Variants in SGCD observed in about 807,000 individuals in gnomAD.
SGCD encodes sarcoglycan delta.
A neutral mutation model predicts 36.6 loss-of-function variants in SGCD; 18 were observed. The observed-to-expected ratio is 0.49, with a 90% CI of 0.34 to 0.73. The LOEUF is 0.73. SGCD is among the 30% of genes least tolerant of loss of function. The pLI, the probability that SGCD is intolerant of heterozygous loss-of-function variation, is 0.01. For synonymous variants in SGCD, 133 were observed against 130.6 expected, an observed-to-expected ratio of 1.02 and a Z score of -0.12; for missense variants, 387 against 346.7, an observed-to-expected ratio of 1.12 and a Z score of -0.92.
rs1238341120 is a variant in SGCD, at chr5:156,762,074, T to C, written c.*2684T>C. 1 of 152,590 alleles carries C rather than the reference T, an allele frequency of 6.6e-6. No homozygotes were observed. The highest frequency in any genetic ancestry group is 1.9e-4 in the East Asian group (1 of 5,200). The allele number at this position is 152,590 out of a possible 1,614,324, so 9.5% of individuals were successfully genotyped here. A position where few individuals can be genotyped will look rare whatever the true frequency, so the allele number is the denominator to read the frequency against. On this transcript the variant is annotated 3_prime_UTR_variant, in exon 9 of 9. Transcript: ENST00000337851. ...CTCAAACTAGAATATTTGTCAGTGG[T>C]CAAGAGAAAAAATTTTACCTGAATT...
chr5:156,230,987 C>T (rs2127651283), intron 3 of SGCD, among the ~76,000 whole-genome samples: 1 of 151,866 alleles, frequency 6.6e-6, no homozygotes, highest in African/African-American at 2.4e-5. Flanking sequence ...GTTAAGGATA[C>T]ACAAAAAGCA....
intron 3 of SGCD, among the ~76,000 whole-genome samples, chr5:156,449,677 CAAAAA>C (rs397883573): frequency 2.4e-4 from 11 of 46,056 alleles, no homozygotes; most frequent in African/African-American, 7.8e-4. Context: ...ACTAAAAATA[CAAAAA>C]AAAAAAAAAA....
chr5:155,942,294 G>A (rs1371604303), intron 1 of SGCD, among the ~76,000 whole-genome samples: 5 of 111,350 alleles, frequency 4.5e-5, no homozygotes, highest in South Asian at 3.5e-4. Flanking sequence ...ATGTATGTAC[G>A]CATGTATGTA....
At chr5:155,813,824 T>C in the SGCD span, among the ~76,000 whole-genome samples, 2 of 152,204 alleles carry the variant, frequency 1.3e-5, no homozygotes, top group Non-Finnish European at 2.9e-5. Flanking sequence ...AAAGGATAGA[T>C]AGTAAAATGG....
At chr5:156,539,450 A>T (rs936517791) in intron 4 of SGCD, among the ~76,000 whole-genome samples, 1 of 151,150 alleles carries the variant, frequency 6.6e-6, no homozygotes, top group Non-Finnish European at 1.5e-5. Flanking sequence ...CCATTATATC[A>T]TTCTCATGCC....
At chr5:155,934,386 C>T (rs538883532) in intron 1 of SGCD, among the ~76,000 whole-genome samples, 4 of 152,230 alleles carry the variant, frequency 2.6e-5, no homozygotes, top group Admixed American at 6.5e-5. Flanking sequence ...TCTTTTTTTG[C>T]GTAGCACTGA....
At chr5:156,070,871 T>C (rs1760530201) in intron 1 of SGCD, among the ~76,000 whole-genome samples, 1 of 152,208 alleles carries the variant, frequency 6.6e-6, no homozygotes, top group African/African-American at 2.4e-5. Context: ...AGGGTGTATG[T>C]GATGAGGAAT....
intron 4 of SGCD, among the ~76,000 whole-genome samples, chr5:156,535,828 T>C (rs1437772269): frequency 6.6e-6 from 1 of 152,188 alleles, no homozygotes; most frequent in African/African-American, 2.4e-5. Flanking sequence ...GCCATCACAG[T>C]ATAATTTGGG....
chr5:156,597,970 T>A (rs1761001015), intron 6 of SGCD, among the ~76,000 whole-genome samples: 1 of 152,100 alleles, frequency 6.6e-6, no homozygotes, highest in African/African-American at 2.4e-5. Context: ...CATAGAGGGC[T>A]TTACCTTAAA....
At chr5:155,939,647 A>ATC (rs1757284309) in intron 1 of SGCD, among the ~76,000 whole-genome samples, 1 of 147,454 alleles carries the variant, frequency 6.8e-6, no homozygotes. Context: ...TCTCTCTCAA[A>ATC]AAAAAAAAAA....
At chr5:156,537,844 GAA>G (rs71577201) in intron 4 of SGCD, among the ~76,000 whole-genome samples, 46,115 of 147,008 alleles carry the variant, frequency 0.31, 7,223 homozygotes, top group Non-Finnish European at 0.35. Context: ...TGAATGGAAA[GAA>G]AAAAAAAAAA....
chr5:155,912,863 CT>C, intron 1 of SGCD, among the ~76,000 whole-genome samples: 1 of 151,640 alleles, frequency 6.6e-6, no homozygotes, highest in Middle Eastern at 3.4e-3. Context: ...ACTTTTCTTT[CT>C]TTGTAAATTC....
chr5:156,544,449 T>G (rs923546100), intron 4 of SGCD, among the ~76,000 whole-genome samples: 2 of 152,130 alleles, frequency 1.3e-5, no homozygotes, highest in Non-Finnish European at 2.9e-5. Flanking sequence ...GAATTGCCAC[T>G]CAGCCATAAG....
chr5:156,022,570 G>A (rs1416211021), intron 1 of SGCD, among the ~76,000 whole-genome samples: 4 of 152,208 alleles, frequency 2.6e-5, no homozygotes, highest in African/African-American at 7.2e-5. Flanking sequence ...TAGAAGAAAC[G>A]AGTTGACATA....
chr5:156,120,527 C>G (rs145299868), intron 2 of SGCD, among the ~76,000 whole-genome samples: 1 of 152,190 alleles, frequency 6.6e-6, no homozygotes, highest in Non-Finnish European at 1.5e-5. Flanking sequence ...TACCATATCC[C>G]CAGTCTTTAA....
rs575102931 is a variant in SGCD, at chr5:156,742,166, G to A, written c.576-15415G>A. On this transcript the variant is annotated intron_variant, in intron 7 of 8. Coordinates refer to ENST00000337851, the MANE Select transcript of SGCD (RefSeq NM_000337.6). ...GCTGGGATTACAGGCGTGAGCCACC[G>A]TGCCCGGCCTCAGGTTTCTTTTTCT... 9.2e-5 allele frequency among the ~76,000 whole-genome samples: 14 copies of A among 152,230 alleles called. No individual in the cohort carries two copies. The East Asian group carries it at 1.4e-3, about 15-fold the overall frequency.
At chr5:156,422,088 G>A (rs1773335255) in intron 3 of SGCD, among the ~76,000 whole-genome samples, 1 of 152,072 alleles carries the variant, frequency 6.6e-6, no homozygotes, top group South Asian at 2.1e-4. Context: ...AGGGTTGATA[G>A]TTCATATCTT....
chr5:156,190,183 C>G (rs954274594), intron 3 of SGCD, among the ~76,000 whole-genome samples: 1 of 152,124 alleles, frequency 6.6e-6, no homozygotes, highest in Non-Finnish European at 1.5e-5. Flanking sequence ...TAATGTAAAT[C>G]TGCTCCATTA....
chr5:155,777,345 A>G, the SGCD span, among the ~76,000 whole-genome samples: 39 of 140,384 alleles, frequency 2.8e-4, no homozygotes, highest in African/African-American at 1.0e-3. Context: ...GGCTTTGGAA[A>G]TTTGTAGTTT....
Sources: allele counts gnomAD v4.1 joint callset (sites outside exome capture counted in the v4.1 genomes callset), GRCh38; gene constraint gnomAD v4.1.1; transcripts MANE v1.5; gene names NCBI Gene and HGNC (gene_info 2026-07-23, HGNC 2026-07-21).